CCDC148: variants seen among roughly 807,000 people sequenced by gnomAD.
The protein encoded by CCDC148 is coiled-coil domain containing 148.
A neutral mutation model predicts 85.7 loss-of-function variants in CCDC148; 89 were observed. The ratio of observed to expected loss-of-function variants is 1.04; its 90% CI spans 0.87 to 1.24. The LOEUF is 1.24. Among genes scored for constraint, CCDC148 ranks in the 50% most tolerant of loss-of-function variants. The pLI is 0.00. For missense variants in CCDC148, 692 were observed against 671.7 expected, an observed-to-expected ratio of 1.03 and a Z score of -0.33; for synonymous variants, 230 against 213.9, an observed-to-expected ratio of 1.08 and a Z score of -0.66.
intron 10 of CCDC148, among the ~76,000 whole-genome samples, chr2:158,234,752 A>G (rs1198924061): frequency 1.3e-5 from 2 of 152,212 alleles, no homozygotes; most frequent in Non-Finnish European, 2.9e-5. Context: ...AATGTTGGTC[A>G]ATAAGAAAAA....
chr2:158,219,733 T>C (rs1433309504), intron 11 of CCDC148, among the ~76,000 whole-genome samples: 4 of 152,186 alleles, frequency 2.6e-5, no homozygotes, highest in African/African-American at 7.2e-5. Flanking sequence ...CTAGTGACTA[T>C]TGAACTAGCT....
intron 9 of CCDC148, among the ~76,000 whole-genome samples, chr2:158,280,261 A>G (rs1690207891): frequency 6.6e-6 from 1 of 152,242 alleles, no homozygotes; most frequent in African/African-American, 2.4e-5. Context: ...CACAGGTTCA[A>G]ATTCACACAT....
intron 10 of CCDC148, chr2:158,235,796 G>T (rs1452659462): frequency 6.6e-6 from 1 of 152,182 alleles, no homozygotes; most frequent in African/African-American, 2.4e-5. Context: ...AACCGACAAA[G>T]GAGGGTGGGA....
intron 12 of CCDC148, 70 bp downstream of exon 12, chr2:158,178,809 T>A (rs901438359): frequency 1.9e-6 from 2 of 1,040,334 alleles, no homozygotes; most frequent in African/African-American, 1.6e-5. Context: ...CCAGTAAGAA[T>A]GCTATTAAGA....
chr2:158,236,685 T>G lies in CCDC148; in HGVS notation c.1251+14087A>C, dbSNP rs563160834. Among the ~76,000 whole-genome samples, 8 of 152,284 alleles carry G rather than the reference T, an allele frequency of 5.3e-5. No homozygotes were observed. The South Asian group carries it at 1.5e-3, about 28-fold the overall frequency. On this transcript the variant is annotated intron_variant, in intron 10 of 13. Transcript: ENST00000283233. ...GGAGGCAAAACCCACAGAGCCTACA[T>G]AACTTGCTAAGGTCACCGCTCTTGT...
intron 10 of CCDC148, among the ~76,000 whole-genome samples, chr2:158,227,598 C>T (rs958842424): frequency 3.8e-4 from 58 of 152,206 alleles, no homozygotes; most frequent in Non-Finnish European, 6.9e-4. Context: ...GATACTGGTA[C>T]CAAAACAGAG....
At chr2:158,411,932 G>A (rs1366225672) in intron 1 of CCDC148, among the ~76,000 whole-genome samples, 1 of 152,164 alleles carries the variant, frequency 6.6e-6, no homozygotes, top group African/African-American at 2.4e-5. Context: ...CAGGTCAGGG[G>A]CATAGGTGTA....
chr2:158,244,509 C>T (rs549193070), intron 10 of CCDC148, among the ~76,000 whole-genome samples: 1 of 152,206 alleles, frequency 6.6e-6, no homozygotes, highest in African/African-American at 2.4e-5. Context: ...GGCTATAGGT[C>T]CCATTTCCTT....
chr2:158,222,724 C>T (rs1687253972), intron 10 of CCDC148, among the ~76,000 whole-genome samples: 1 of 152,134 alleles, frequency 6.6e-6, no homozygotes, highest in African/African-American at 2.4e-5. Flanking sequence ...AATTCTTTCT[C>T]CCTTTGATGT....
At chr2:158,228,338 G>A (rs570181015) in intron 10 of CCDC148, among the ~76,000 whole-genome samples, 6 of 152,256 alleles carry the variant, frequency 3.9e-5, no homozygotes, top group South Asian at 4.2e-4. Flanking sequence ...GGAGAAATAG[G>A]AACACTTTTA....
At chr2:158,276,513 G>A (rs1448021879) in intron 9 of CCDC148, among the ~76,000 whole-genome samples, 1 of 151,286 alleles carries the variant, frequency 6.6e-6, no homozygotes, top group Non-Finnish European at 1.5e-5. Flanking sequence ...CCGAGATCAC[G>A]CCACTGCACT....
chr2:158,206,462 A>C (rs1294001753), intron 11 of CCDC148, among the ~76,000 whole-genome samples: 1 of 152,238 alleles, frequency 6.6e-6, no homozygotes, highest in Non-Finnish European at 1.5e-5. Context: ...GCACTGGTCC[A>C]GACAGAAGCA....
Position 158,339,088 on chromosome 2 carries a change from A to G in CCDC148, c.487-3T>C, listed in dbSNP as rs1320987231. On this transcript the variant is annotated splice_polypyrimidine_tract_variant and splice_region_variant and intron_variant, in intron 5 of 13. Coordinates refer to ENST00000283233, the MANE Select transcript of CCDC148 (RefSeq NM_138803.4). ...AATTGTTTCTTCACAAAGTCAACCT[A>G]TAGGACATTTGGAACAAGTAGTAGG... is the stretch of plus-strand genomic sequence containing the variant. The G allele has an allele frequency of 8.7e-6, 14 of 1,608,642 alleles. No individual in the cohort carries two copies. Among genetic ancestry groups the G allele is most frequent in the Non-Finnish European group, 1.2e-5 (14 of 1,175,734 alleles).
chr2:158,330,223 C>G (rs201805916), intron 7 of CCDC148, among the ~76,000 whole-genome samples: 52,586 of 151,928 alleles, frequency 0.35, 9,337 homozygotes, highest in African/African-American at 0.43. Flanking sequence ...ATGAAGCGTT[C>G]TTGAATTTTG....
chr2:158,366,021 A>G lies in CCDC148; in HGVS notation c.26-7451T>C, dbSNP rs1043270577. 1.1e-5 allele frequency: 17 copies of G among 1,537,888 alleles called. No individual in the cohort carries two copies. The African/African-American group carries it at 1.5e-4, about 14-fold the overall frequency. On this transcript the variant is annotated intron_variant, in intron 1 of 13. Coordinates refer to ENST00000283233, the MANE Select transcript of CCDC148 (RefSeq NM_138803.4). ...TGGAAGTAAGAAAAATACCTGAGCTATCATTTCTCTGAATTGTCATGAATG... is the reference window on the plus strand; with the variant it reads ...TGGAAGTAAGAAAAATACCTGAGCTGTCATTTCTCTGAATTGTCATGAATG...
At chr2:158,181,219 T>C (rs1334445363) in intron 11 of CCDC148, among the ~76,000 whole-genome samples, 2 of 152,182 alleles carry the variant, frequency 1.3e-5, no homozygotes, top group Non-Finnish European at 2.9e-5. Context: ...TTTGTCTGTT[T>C]TGTGGAAAAG....
At chr2:158,204,791 G>A (rs1324762697) in intron 11 of CCDC148, among the ~76,000 whole-genome samples, 2 of 152,122 alleles carry the variant, frequency 1.3e-5, no homozygotes, top group South Asian at 4.1e-4. Flanking sequence ...ACTTCAACAA[G>A]AGGCCAAAGA....
chr2:158,285,510 CAA>C (rs890398561), intron 9 of CCDC148, among the ~76,000 whole-genome samples: 1 of 150,472 alleles, frequency 6.6e-6, no homozygotes, highest in African/African-American at 2.4e-5. Flanking sequence ...ATACTTCTAG[CAA>C]ACTAAAACTA....
At chr2:158,369,020 T>A (rs1433251146) in intron 1 of CCDC148, among the ~76,000 whole-genome samples, 1 of 152,124 alleles carries the variant, frequency 6.6e-6, no homozygotes, top group Non-Finnish European at 1.5e-5. Context: ...GCATTTAAAC[T>A]CTAAACTGAT....
Sources: gnomAD v4.1 joint callset for allele counts (sites outside exome capture counted in the v4.1 genomes callset) on GRCh38, gnomAD v4.1.1 for gene constraint, MANE v1.5 for transcripts, NCBI Gene and HGNC (gene_info 2026-07-23, HGNC 2026-07-21) for gene names.